The following SGTA variants were observed in gnomAD, a reference collection of about 807,000 sequenced individuals.
The protein encoded by SGTA is small glutamine-rich tetratricopeptide repeat-containing protein alpha.
SGTA carries 22 observed loss-of-function variants against 44.3 expected under a neutral mutation model. The observed-to-expected ratio is 0.50, with a 90% CI of 0.36 to 0.71. SGTA has a LOEUF of 0.71. Among genes scored for constraint, SGTA ranks in the 30% least tolerant of loss-of-function variants. The probability of loss-of-function intolerance (pLI) is 0.00; values close to 1 mark genes in which losing one functional copy is unlikely to be tolerated. For synonymous variants in SGTA, 174 were observed against 177.6 expected (o/e 0.98, Z 0.16); for missense variants, 341 against 435.9 (o/e 0.78, Z 1.94).
intron 11 of SGTA, among the ~76,000 whole-genome samples, chr19:2,756,316 T>C (rs1340813188): frequency 1.3e-5 from 2 of 151,168 alleles, no homozygotes; most frequent in Non-Finnish European, 3.0e-5. Context: ...GGTGAGAAGA[T>C]TAAGGTTGGG....
chr19:2,760,102 C>T (rs1175037057), intron 8 of SGTA, among the ~76,000 whole-genome samples: 1 of 152,110 alleles, frequency 6.6e-6, no homozygotes. Flanking sequence ...TGTAAAGGGC[C>T]AGTGTGTAAA....
chr19:2,769,774 G>A lies in SGTA; in HGVS notation c.-23-683C>T, dbSNP rs574052426. ...CTAGTTCCCCCTCGGACACCCTCCT[G>A]TGCCCCCCTCGGACACCCGCCTGGT... On this transcript the variant is annotated intron_variant, in intron 1 of 11. Transcript: ENST00000221566. 4.5e-4 allele frequency among the ~76,000 whole-genome samples: 39 copies of A among 86,932 alleles called. No homozygotes were observed. The East Asian group carries it at 0.011, about 24-fold the overall frequency. The allele number at this position is 86,932 out of a possible 152,430, so 57.0% of individuals were successfully genotyped here. A position where few individuals can be genotyped will look rare whatever the true frequency, so the allele number is the denominator to read the frequency against.
At chr19:2,760,771 C>T (rs924131456) in intron 8 of SGTA, among the ~76,000 whole-genome samples, 1 of 152,156 alleles carries the variant, frequency 6.6e-6, no homozygotes, top group Admixed American at 6.5e-5. Flanking sequence ...ACGACCCGGG[C>T]AGGGCTCCTG....
At chr19:2,757,138 C>A (rs1291480953) in intron 11 of SGTA, among the ~76,000 whole-genome samples, 199 bp downstream of exon 11, 2 of 152,186 alleles carry the variant, frequency 1.3e-5, no homozygotes, top group Non-Finnish European at 2.9e-5. Flanking sequence ...GAAAGGGGCC[C>A]AATGCCCAGA....
At chr19:2,775,025 T>C (rs1915412718) in intron 1 of SGTA, among the ~76,000 whole-genome samples, 1 of 152,190 alleles carries the variant, frequency 6.6e-6, no homozygotes, top group African/African-American at 2.4e-5. Context: ...TCCCAGAGGA[T>C]GATCCGGCCT....
At chr19:2,771,110 C>T (rs903876489) in intron 1 of SGTA, among the ~76,000 whole-genome samples, 21 of 152,326 alleles carry the variant, frequency 1.4e-4, no homozygotes, top group Middle Eastern at 3.4e-3. Context: ...CAGCGCTTGG[C>T]GCCCTGCGAT....
chr19:2,757,470 G>A lies in SGTA; in HGVS notation c.828-13C>T, dbSNP rs1228893136. 1.4e-5 allele frequency: 22 copies of A among 1,605,260 alleles called. No homozygotes were observed. The highest frequency in any genetic ancestry group is 1.8e-5 in the Non-Finnish European group (21 of 1,179,548). ...AAACTGCTGGCCCCTGCGGGGAAGG[G>A]CACATGGGGCTCAGCCAGGGCCAGG... On this transcript the variant is annotated splice_polypyrimidine_tract_variant and intron_variant, in intron 10 of 11. Coordinates refer to ENST00000221566, the MANE Select transcript of SGTA (RefSeq NM_003021.4).
In SGTA at chr19:2,765,902, T is replaced by G. The variant is rs537669657; in HGVS notation, c.293-617A>C. Among the ~76,000 whole-genome samples, 5 of 152,228 alleles carry G rather than the reference T, an allele frequency of 3.3e-5. No homozygotes were observed. In the South Asian group the frequency reaches 8.3e-4, roughly 25 times the overall value. On this transcript the variant is annotated intron_variant, in intron 4 of 11. Coordinates refer to ENST00000221566, the MANE Select transcript of SGTA (RefSeq NM_003021.4). The surrounding 1 kb of genome is among the most constrained non-coding windows in gnomAD (Gnocchi z 5.5). ...CTAAACAGTTTTATTGAGATATAAT[T>G]TACATGCCACAAAGCTTACGCTTTA...
chr19:2,779,782 C>T (rs916153193), intron 1 of SGTA, among the ~76,000 whole-genome samples: 10 of 152,190 alleles, frequency 6.6e-5, no homozygotes, highest in African/African-American at 2.4e-4. Context: ...AATCAAAACA[C>T]AGCCACCTCG....
In SGTA at chr19:2,766,991, C is replaced by T. The variant is rs1915160771; in HGVS notation, c.292+145G>A. 4.3e-6 allele frequency: 3 copies of T among 689,712 alleles called. No homozygotes were observed. In the Admixed American group the frequency reaches 6.6e-5, roughly 15 times the overall value. The allele number at this position is 689,712 out of a possible 1,614,324, so 42.7% of individuals were successfully genotyped here. A position where few individuals can be genotyped will look rare whatever the true frequency, so the allele number is the denominator to read the frequency against. ...CCCCTCGCCAGTCCCCCTTCCGTCC[C>T]CGTCCCCACAAGCCAGCGTGCTGGT... is the stretch of plus-strand genomic sequence containing the variant. On this transcript the variant is annotated intron_variant, in intron 4 of 11. Transcript: ENST00000221566.
rs1190030701 is a variant in SGTA, at chr19:2,763,500, C to T, written c.497+153G>A. Among the ~76,000 whole-genome samples the T allele has an allele frequency of 6.6e-6, 1 of 152,088 alleles. No homozygotes were observed. The highest frequency in any genetic ancestry group is 1.5e-5 in the Non-Finnish European group (1 of 68,034). Reference sequence around the variant, plus strand: ...CTGAGCCTGTGACCTGTAGGGACTACGTTGGCTCCGAACAGCTAGTGTCAG... The same window carrying T: ...CTGAGCCTGTGACCTGTAGGGACTATGTTGGCTCCGAACAGCTAGTGTCAG... On this transcript the variant is annotated intron_variant, in intron 6 of 11. Transcript: ENST00000221566. This position sits in a 1 kb window ranked among gnomAD's most constrained non-coding sequence, Gnocchi z 5.8.
intron 1 of SGTA, among the ~76,000 whole-genome samples, chr19:2,774,131 T>A (rs893679113): frequency 6.6e-6 from 1 of 152,316 alleles, no homozygotes; most frequent in Non-Finnish European, 1.5e-5. Context: ...AGCTGCCTGG[T>A]CTATGGCACT....
Position 2,767,570 on chromosome 19 carries a change from C to T in SGTA, c.207+10G>A, listed in dbSNP as rs777008039. 6 of 1,608,198 alleles carry T rather than the reference C, an allele frequency of 3.7e-6. No homozygotes were observed. The highest frequency in any genetic ancestry group is 3.3e-5 in the South Asian group (3 of 90,936). On this transcript the variant is annotated intron_variant, in intron 3 of 11. Transcript: ENST00000221566. The surrounding 1 kb of genome is among the most constrained non-coding windows in gnomAD (Gnocchi z 7.3). Reference sequence around the variant, plus strand: ...TTGGGGGCAGTGGCTGGGGAAGCATCGAGGCTCACCTTGCCCGTGGCAGCC... The same window carrying T: ...TTGGGGGCAGTGGCTGGGGAAGCATTGAGGCTCACCTTGCCCGTGGCAGCC...
At chr19:2,770,635 G>T in intron 1 of SGTA, 1 of 153,092 alleles carries the variant, frequency 6.5e-6, no homozygotes, top group South Asian at 1.9e-4. Context: ...ACCTGAGCAC[G>T]GGACCTTGTC....
At chr19:2,775,230 C>T (rs868842051) in intron 1 of SGTA, among the ~76,000 whole-genome samples, 8 of 152,238 alleles carry the variant, frequency 5.3e-5, no homozygotes, top group Non-Finnish European at 1.0e-4. Context: ...GCCCGGCAGG[C>T]GCCTGACCTG....
In SGTA at chr19:2,765,745, C is replaced by T. The variant is rs1915120491; in HGVS notation, c.293-460G>A. 6.6e-6 allele frequency among the ~76,000 whole-genome samples: 1 copy of T among 152,136 alleles called. No individual in the cohort carries two copies. Among genetic ancestry groups the T allele is most frequent in the African/African-American group, 2.4e-5 (1 of 41,418 alleles). ...GGGCTTCTATCTGAGGCATGGGTCC[C>T]AGCTGGTAGGACGGTAAAAACCCCA... On this transcript the variant is annotated intron_variant, in intron 4 of 11. Transcript: ENST00000221566. This position sits in a 1 kb window ranked among gnomAD's most constrained non-coding sequence, Gnocchi z 5.5.
intron 2 of SGTA, among the ~76,000 whole-genome samples, chr19:2,768,580 C>G (rs1312678685): frequency 6.6e-6 from 1 of 152,206 alleles, no homozygotes; most frequent in East Asian, 1.9e-4. Context: ...AGGATGCCAA[C>G]GAGTCTGGGA....
At chr19:2,771,998 T>C (rs1915322349) in intron 1 of SGTA, among the ~76,000 whole-genome samples, 1 of 152,256 alleles carries the variant, frequency 6.6e-6, no homozygotes, top group Non-Finnish European at 1.5e-5. Flanking sequence ...TCCCCATCTC[T>C]GTCCCTCACT....
chr19:2,780,338 G>A (rs1915544150), intron 1 of SGTA, among the ~76,000 whole-genome samples: 1 of 152,040 alleles, frequency 6.6e-6, no homozygotes, highest in African/African-American at 2.4e-5. Flanking sequence ...CTCCCTCTTA[G>A]GATACCCGAG....
Sources: gnomAD v4.1 joint callset for allele counts (sites outside exome capture counted in the v4.1 genomes callset) on GRCh38, gnomAD v4.1.1 for gene constraint, Gnocchi (gnomAD v3.1) non-coding constraint, MANE v1.5 for transcripts, NCBI Gene and HGNC (gene_info 2026-07-23, HGNC 2026-07-21) for gene names.